CWH43: variants seen among roughly 807,000 people sequenced by gnomAD.
CWH43 encodes cell wall biogenesis 43 C-terminal homolog, also known as PGAP2-interacting protein.
In CWH43, 91 loss-of-function variants were observed where a neutral mutation model predicts 85.7. The observed-to-expected ratio is 1.06, with a 90% confidence interval of 0.90 to 1.26. The LOEUF is 1.26. Among genes scored for constraint, CWH43 ranks in the 50% most tolerant of loss-of-function variants. The pLI is 0.00. For synonymous variants in CWH43, 323 were observed against 293.6 expected, an observed-to-expected ratio of 1.10 and a Z score of -1.02; for missense variants, 869 against 839.2, an observed-to-expected ratio of 1.04 and a Z score of -0.44.
chr4:48,988,086 C>G (rs1353609685), intron 1 of CWH43, among the ~76,000 whole-genome samples: 1 of 151,956 alleles, frequency 6.6e-6, no homozygotes, highest in Non-Finnish European at 1.5e-5. Flanking sequence ...GAGAGACTCA[C>G]GGCAGCAGGA....
At chr4:49,061,359 G>A (rs1785151914) in intron 15 of CWH43, among the ~76,000 whole-genome samples, 1 of 152,152 alleles carries the variant, frequency 6.6e-6, no homozygotes, top group Non-Finnish European at 1.5e-5. Context: ...AGTGTCTTTT[G>A]TATTCTATCA....
chr4:49,050,766 T>A lies in CWH43; in HGVS notation c.1938T>A (p.Pro646=), dbSNP rs566266749. The stretch of plus-strand genomic sequence containing the variant: ...TTCAGATGGCAAAATTTAGGATCCC[T>A]GATGACCCCACTAATTATAGAGACA... ...SEIQMAKFRI[P]DDPTNYRDNQ... Residue 646 remains proline (P), a synonymous_variant, in exon 15 of 16, where the codon CCT becomes CCA. Coordinates refer to ENST00000226432, the MANE Select transcript of CWH43 (RefSeq NM_025087.3). 11 of 1,611,562 alleles carry A rather than the reference T, an allele frequency of 6.8e-6. No individual in the cohort carries two copies. In the South Asian group the frequency reaches 1.2e-4, roughly 18 times the overall value.
At chr4:49,006,293 G>A (rs543914517) in intron 7 of CWH43, among the ~76,000 whole-genome samples, 1 of 152,072 alleles carries the variant, frequency 6.6e-6, no homozygotes, top group African/African-American at 2.4e-5. Context: ...TTATGGAATT[G>A]TAGAAACAGT....
intron 9 of CWH43, among the ~76,000 whole-genome samples, chr4:49,026,845 A>G (rs1783931624): frequency 6.6e-6 from 1 of 152,172 alleles, no homozygotes; most frequent in South Asian, 2.1e-4. Context: ...GCTGCTGTAA[A>G]CATGTGTGTC....
In CWH43 at chr4:48,992,085, G is replaced by T. The variant is rs1425116668; in HGVS notation, c.506G>T (p.Gly169Val). 6.2e-7 allele frequency: 1 copy of T among 1,612,962 alleles called. No individual in the cohort carries two copies. The highest frequency in any genetic ancestry group is 8.5e-7 in the Non-Finnish European group (1 of 1,179,194). ...LSAIATLDRI[G>V]TDGDCSKPEE... ...GCCATAGCCACACTTGATCGTATTG[G>T]CACAGGTAATACTGTAACTTAGGAA... Residue 169 changes from glycine to valine, a missense_variant, in exon 4 of 16, where the codon GGC becomes GTC. Gly to Val is a moderately radical substitution (Grantham distance 109, BLOSUM62 -3). This residue lies in a region of CWH43 where 152 missense variants were observed against 203.6 expected (regional missense o/e 0.75). Transcript: ENST00000226432. The surrounding 1 kb of genome is among the most constrained non-coding windows in gnomAD (Gnocchi z 4.3).
intron 9 of CWH43, among the ~76,000 whole-genome samples, chr4:49,025,424 A>G (rs1245911462): frequency 6.6e-6 from 1 of 152,042 alleles, no homozygotes; most frequent in East Asian, 1.9e-4. Context: ...GGTGTTAAAG[A>G]TCCTTGTTTT....
chr4:49,008,325 T>C (rs1474715871), intron 8 of CWH43, among the ~76,000 whole-genome samples: 1 of 151,420 alleles, frequency 6.6e-6, no homozygotes, highest in Non-Finnish European at 1.5e-5. Flanking sequence ...AGTCGTTTGT[T>C]TTTTTTTTCT....
chr4:48,997,898 A>T (rs770904132), intron 5 of CWH43, among the ~76,000 whole-genome samples: 12 of 152,162 alleles, frequency 7.9e-5, no homozygotes, highest in Non-Finnish European at 1.8e-4. Context: ...TATTCTAGCT[A>T]TTATTGTTTC....
In CWH43 at chr4:49,005,077, CTTGT is replaced by C. The variant is rs535808016; in HGVS notation, c.1060+1095_1060+1098del. On this transcript the variant is annotated intron_variant, in intron 7 of 15. Transcript: ENST00000226432. ...AAAAAACATGTTAATAAGGGATCTA[CTTGT>C]TTGTTTGTTCACTTATTCATTAAAA... Among the ~76,000 whole-genome samples, 45 of 152,132 alleles carry C rather than the reference CTTGT, an allele frequency of 3.0e-4. 1 individual carries two copies. The South Asian group carries it at 3.1e-3, about 11-fold the overall frequency.
intron 5 of CWH43, among the ~76,000 whole-genome samples, chr4:48,996,719 A>T (rs573521415): frequency 1.2e-4 from 19 of 152,306 alleles, no homozygotes; most frequent in African/African-American, 4.6e-4. Flanking sequence ...TCACCATTCA[A>T]CTCTGGGCCA....
intron 14 of CWH43, among the ~76,000 whole-genome samples, chr4:49,046,827 C>T (rs887473814): frequency 6.6e-6 from 1 of 152,098 alleles, no homozygotes; most frequent in Non-Finnish European, 1.5e-5. Context: ...TTCACAGGTT[C>T]CTCTACATAC....
intron 14 of CWH43, among the ~76,000 whole-genome samples, chr4:49,050,150 C>G (rs954874659): frequency 1.3e-5 from 2 of 152,156 alleles, no homozygotes; most frequent in Non-Finnish European, 2.9e-5. Context: ...CATGGTTCCC[C>G]GTGTTTTCCA....
intron 9 of CWH43, 51 bp downstream of exon 9, chr4:49,017,379 C>A: frequency 1.6e-6 from 2 of 1,280,868 alleles, no homozygotes; most frequent in Non-Finnish European, 2.2e-6. Context: ...TATATATGTG[C>A]ATATATTTGT....
Position 49,050,850 on chromosome 4 carries a change from G to A in CWH43, c.2021+1G>A. The A allele has an allele frequency of 1.2e-6, 2 of 1,610,330 alleles. No homozygotes were observed. The highest frequency in any genetic ancestry group is 1.1e-5 in the South Asian group (1 of 90,628). ...CTGAGAAAATTCATTTTAATCCCAG[G>A]TGAGTTCCTTTATGCTGTAGTTCCA... On this transcript the variant is annotated splice_donor_variant, in intron 15 of 15. Coordinates refer to ENST00000226432, the MANE Select transcript of CWH43 (RefSeq NM_025087.3). LOFTEE classifies it high-confidence loss of function.
intron 13 of CWH43, among the ~76,000 whole-genome samples, chr4:49,039,634 CATT>C (rs1784393880): frequency 6.6e-6 from 1 of 151,024 alleles, no homozygotes; most frequent in African/African-American, 2.4e-5. Context: ...TAGGGTGTAA[CATT>C]ATTTACAGAG....
At position 49,028,694 on chromosome 4, in the gene CWH43, G is replaced by T; in HGVS notation, c.1332G>T (p.Trp444Cys). The stretch of plus-strand genomic sequence containing the variant: ...GGTTTGGATATGACAATGAAGGGTG[G>T]TCTAGTCTAGAAAGATCAGCTCACC... ...PFRFGYDNEG[W>C]SSLERSAHLL... The change falls in exon 10 of 16, where the codon TGG becomes TGT. Residue 444 changes from tryptophan to cysteine, a missense_variant. Physicochemically the swap from Trp to Cys is radical, Grantham distance 215. Around this residue, in one of 3 missense-constraint regions of CWH43, gnomAD observed 577 missense variants for 513.1 expected, o/e 1.12. Transcript: ENST00000226432. 6.2e-7 allele frequency: 1 copy of T among 1,613,782 alleles called. No homozygotes were observed. The highest frequency in any genetic ancestry group is 8.5e-7 in the Non-Finnish European group (1 of 1,179,744).
At chr4:49,024,792 T>G (rs930938037) in intron 9 of CWH43, among the ~76,000 whole-genome samples, 1 of 152,152 alleles carries the variant, frequency 6.6e-6, no homozygotes, top group Non-Finnish European at 1.5e-5. Context: ...ATTCTTTTTT[T>G]TTGTCTTGAT....
chr4:49,006,449 G>A (rs1024379803), intron 7 of CWH43, among the ~76,000 whole-genome samples: 2 of 152,126 alleles, frequency 1.3e-5, no homozygotes, highest in African/African-American at 4.8e-5. Context: ...TATTATATCA[G>A]AATTTAGTTA....
chr4:48,991,614 T>C (rs1217094818), intron 3 of CWH43, 40 bp downstream of exon 3: 2 of 1,602,294 alleles, frequency 1.2e-6, no homozygotes, highest in African/African-American at 2.7e-5. Context: ...CAAACAAGTA[T>C]AACCAGTTAC....
Sources: allele counts gnomAD v4.1 joint callset (sites outside exome capture counted in the v4.1 genomes callset), GRCh38; gene constraint gnomAD v4.1.1; regional missense constraint gnomAD v4.1.1; non-coding constraint Gnocchi (gnomAD v3.1); transcripts MANE v1.5; gene names NCBI Gene and HGNC (gene_info 2026-07-23, HGNC 2026-07-21).